CMTM4: variants seen among roughly 807,000 people sequenced by gnomAD.
CMTM4 encodes the protein CKLF-like MARVEL transmembrane domain-containing protein 4.
A neutral mutation model predicts 19.0 loss-of-function variants in CMTM4; 8 were observed. The ratio of observed to expected loss-of-function variants is 0.42; its 90% confidence interval spans 0.25 to 0.76. The LOEUF (loss-of-function observed/expected upper bound fraction) is 0.76. Among genes scored for constraint, CMTM4 ranks in the 30% least tolerant of loss-of-function variants. The pLI is 0.27. For missense variants in CMTM4, 228 were observed against 290.2 expected, an observed-to-expected ratio of 0.79 and a Z score of 1.56; for synonymous variants, 106 against 121.1, an observed-to-expected ratio of 0.88 and a Z score of 0.82.
chr16:66,666,268 C>T (rs556237353), intron 1 of CMTM4, among the ~76,000 whole-genome samples: 5 of 152,018 alleles, frequency 3.3e-5, no homozygotes, highest in Non-Finnish European at 7.4e-5. Flanking sequence ...CTGACTAACA[C>T]GGTGAAACCC....
Position 66,617,183 on chromosome 16 carries a change from T to C in CMTM4, c.*4875A>G. ...CCAGGTGTCTAGATAGCAAGTCACC[T>C]GAATTAAAGCCTCAGCATAAAAAAA... is the stretch of plus-strand genomic sequence containing the variant. On this transcript the variant is annotated 3_prime_UTR_variant, in exon 4 of 4. Transcript: ENST00000394106. 7.8e-7 allele frequency: 1 copy of C among 1,277,742 alleles called. No homozygotes were observed. The highest frequency in any genetic ancestry group is 1.1e-6 in the Non-Finnish European group (1 of 907,214). 79.2% of individuals were successfully genotyped at this position (1,277,742 alleles called of 1,614,324 possible).
rs764448537 is a variant in CMTM4 at position 66,622,200 on chromosome 16, G to A, written c.485C>T (p.Ala162Val). 13 of 1,613,792 alleles carry A rather than the reference G, an allele frequency of 8.1e-6. No individual in the cohort carries two copies. The highest frequency in any genetic ancestry group is 4.5e-5 in the East Asian group (2 of 44,882). The change falls in exon 4 of 4, where the codon GCG (alanine) becomes GTG (valine). Residue 162 changes from alanine to valine, a missense_variant. Ala to Val is a moderately conservative substitution (Grantham distance 64, BLOSUM62 0). This residue lies in a region of CMTM4 where 200 missense variants were observed against 226.6 expected (regional missense o/e 0.88). Transcript: ENST00000394106. This position sits in a 1 kb window ranked among gnomAD's most constrained non-coding sequence, Gnocchi z 4.0. The part of the protein sequence containing the change: ...AAVIFGFLAT[A>V]AYAVNTFLAV... ...CAGGAATGTGTTCACTGCATATGCC[G>A]CAGTCGCCAAGAAGCCAAATATCTA...
intron 1 of CMTM4, among the ~76,000 whole-genome samples, chr16:66,680,773 CAAAA>C (rs35127974): frequency 7.4e-4 from 24 of 32,280 alleles, no homozygotes; most frequent in East Asian, 2.3e-3. Context: ...GACTCCGTCT[CAAAA>C]AAAAAAAAAA....
intron 1 of CMTM4, among the ~76,000 whole-genome samples, chr16:66,655,177 T>C (rs995281719): frequency 6.6e-6 from 1 of 152,092 alleles, no homozygotes; most frequent in African/African-American, 2.4e-5. Flanking sequence ...AGAGACAGGA[T>C]TTCGCCATGT....
the CMTM4 span, chr16:66,609,566 T>C: frequency 9.5e-5 from 148 of 1,555,818 alleles, no homozygotes; most frequent in African/African-American, 1.8e-3. The surrounding 1 kb of genome is among the most constrained non-coding windows in gnomAD (Gnocchi z 4.4). Context: ...AAACTGCAGA[T>C]GCCCCTCTAG....
chr16:66,690,810 A>AT (rs764761936), intron 1 of CMTM4, among the ~76,000 whole-genome samples: 7 of 152,318 alleles, frequency 4.6e-5, no homozygotes, highest in East Asian at 3.9e-4. Flanking sequence ...TAAAATTTGC[A>AT]TTTAAACATT....
At chr16:66,671,707 C>G (rs1025750498) in intron 1 of CMTM4, among the ~76,000 whole-genome samples, 2 of 152,150 alleles carry the variant, frequency 1.3e-5, no homozygotes, top group Admixed American at 6.6e-5. Flanking sequence ...CTTGGCCTAG[C>G]TGGGAAAACT....
chr16:66,621,010 C>T lies in CMTM4; in HGVS notation c.*1048G>A, dbSNP rs1315639042. ...AGGCGCCCAAAGCGACAATTAGTGC[C>T]TTCTGAAACATGGGTGGAAGGGTGT... On this transcript the variant is annotated 3_prime_UTR_variant, in exon 4 of 4. Coordinates refer to ENST00000394106, the MANE Select transcript of CMTM4 (RefSeq NM_181521.3). 2.0e-5 allele frequency: 20 copies of T among 985,748 alleles called. No homozygotes were observed. The highest frequency in any genetic ancestry group is 2.4e-5 in the Non-Finnish European group (20 of 829,948). 61.1% of individuals were successfully genotyped at this position (985,748 alleles called of 1,614,324 possible).
In CMTM4 at chr16:66,618,322, G is replaced by A. The variant is rs2015563776; in HGVS notation, c.*3736C>T. Reference sequence around the variant, plus strand: ...ATCTGGAGAAGATGACAGTCAGGCAGTGGCACAAAGACTTCATGACTGTTT... The same window carrying A: ...ATCTGGAGAAGATGACAGTCAGGCAATGGCACAAAGACTTCATGACTGTTT... On this transcript the variant is annotated 3_prime_UTR_variant, in exon 4 of 4. Transcript: ENST00000394106. 2.0e-6 allele frequency: 2 copies of A among 985,352 alleles called. No homozygotes were observed. The highest frequency in any genetic ancestry group is 1.2e-4 in the Admixed American group (2 of 16,272). The allele number at this position is 985,352 out of a possible 1,614,324, so 61.0% of individuals were successfully genotyped here.
In CMTM4 at chr16:66,619,479, C is replaced by T. The variant is rs1157116830; in HGVS notation, c.*2579G>A. ...TCGCTCAGCCTTCAAATGCCCCAAA[C>T]CAAACTGATATTGGTCCCTATTGAA... On this transcript the variant is annotated 3_prime_UTR_variant, in exon 4 of 4. Transcript: ENST00000394106. 1.0e-6 allele frequency: 1 copy of T among 985,328 alleles called. No individual in the cohort carries two copies. The highest frequency in any genetic ancestry group is 1.2e-6 in the Non-Finnish European group (1 of 829,940). The allele number at this position is 985,328 out of a possible 1,614,324, so 61.0% of individuals were successfully genotyped here. A position where few individuals can be genotyped will look rare whatever the true frequency, so the allele number is the denominator to read the frequency against.
the CMTM4 span, chr16:66,604,706 T>A: frequency 2.1e-6 from 2 of 944,190 alleles, no homozygotes; most frequent in Non-Finnish European, 2.7e-6. Flanking sequence ...CGCGAGCCAG[T>A]GTCGCCTGCC....
Position 66,622,622 on chromosome 16 carries a change from C to G in CMTM4, c.463-400G>C, listed in dbSNP as rs1455291216. Among the ~76,000 whole-genome samples, 1 of 152,156 alleles carries G rather than the reference C, an allele frequency of 6.6e-6. No individual in the cohort carries two copies. Among genetic ancestry groups the G allele is most frequent in the Non-Finnish European group, 1.5e-5 (1 of 68,030 alleles). The stretch of plus-strand genomic sequence containing the variant: ...TTACTGCAACTTCAGGGCCTCTGGT[C>G]CCAGATGAGAAAATACAGTGCAGAC... On this transcript the variant is annotated intron_variant, in intron 3 of 3. Coordinates refer to ENST00000394106, the MANE Select transcript of CMTM4 (RefSeq NM_181521.3). This position sits in a 1 kb window ranked among gnomAD's most constrained non-coding sequence, Gnocchi z 4.0.
intron 1 of CMTM4, among the ~76,000 whole-genome samples, chr16:66,683,198 T>C (rs186483981): frequency 3.4e-4 from 41 of 120,888 alleles, no homozygotes; most frequent in East Asian, 2.9e-3. Flanking sequence ...TATATACATA[T>C]ATATATATAT....
At position 66,621,250 on chromosome 16, in the gene CMTM4, T is replaced by C; in HGVS notation, c.*808A>G. ...CCAGCAAATGGGCAAGTGCTTTGGC[T>C]GGTGGAGTAGGCTTGTTTCTTTCAT... is the stretch of plus-strand genomic sequence containing the variant. On this transcript the variant is annotated 3_prime_UTR_variant, in exon 4 of 4. Transcript: ENST00000394106. The C allele has an allele frequency of 1.0e-6, 1 of 985,568 alleles. No homozygotes were observed. Among genetic ancestry groups the C allele is most frequent in the South Asian group, 4.7e-5 (1 of 21,294 alleles). 61.1% of individuals were successfully genotyped at this position (985,568 alleles called of 1,614,324 possible).
At chr16:66,630,895 C>T (rs1433630594) in intron 2 of CMTM4, among the ~76,000 whole-genome samples, 4 of 148,980 alleles carry the variant, frequency 2.7e-5, no homozygotes, top group Admixed American at 6.7e-5. Flanking sequence ...ATGTGGGGAG[C>T]GCCTCTGCCC....
At chr16:66,639,419 A>G (rs1256813276) in intron 1 of CMTM4, among the ~76,000 whole-genome samples, 1 of 152,240 alleles carries the variant, frequency 6.6e-6, no homozygotes, top group African/African-American at 2.4e-5. Context: ...GGCAGTGAAC[A>G]AAACAGACAA....
At chr16:66,641,386 A>G (rs973490750) in intron 1 of CMTM4, among the ~76,000 whole-genome samples, 2 of 152,210 alleles carry the variant, frequency 1.3e-5, no homozygotes, top group African/African-American at 4.8e-5. Context: ...TTATGCAGCA[A>G]TAAATAATAT....
the CMTM4 span, chr16:66,608,233 C>A: frequency 6.5e-7 from 1 of 1,543,186 alleles, no homozygotes; most frequent in South Asian, 1.2e-5. This position sits in a 1 kb window ranked among gnomAD's most constrained non-coding sequence, Gnocchi z 5.1. Context: ...ATCCTGACCA[C>A]AGGGCCTGGC....
intron 1 of CMTM4, among the ~76,000 whole-genome samples, chr16:66,688,549 C>T (rs1323948686): frequency 2.0e-5 from 3 of 150,722 alleles, no homozygotes; most frequent in East Asian, 2.0e-4. Context: ...CACACACACA[C>T]ACATTCTACC....
Sources: allele counts gnomAD v4.1 joint callset (sites outside exome capture counted in the v4.1 genomes callset), GRCh38; gene constraint gnomAD v4.1.1; regional missense constraint gnomAD v4.1.1; non-coding constraint Gnocchi (gnomAD v3.1); transcripts MANE v1.5; gene names NCBI Gene and HGNC (gene_info 2026-07-23, HGNC 2026-07-21).